The following CTNND2 variants were observed in gnomAD, a reference collection of about 807,000 sequenced individuals.
CTNND2 encodes catenin delta 2.
In CTNND2, 22 loss-of-function variants were observed where a neutral mutation model predicts 144.4. The ratio of observed to expected loss-of-function variants is 0.15; its 90% confidence interval spans 0.11 to 0.22. The LOEUF is 0.22. CTNND2 is among the 10% of genes least tolerant of loss of function. CTNND2 has a pLI of 1.00. For synonymous variants in CTNND2, 751 were observed against 695.6 expected (o/e 1.08, Z -1.25); for missense variants, 1,353 against 1,618.8 (o/e 0.84, Z 2.82).
chr5:11,341,415 A>G (rs755345183), intron 9 of CTNND2, among the ~76,000 whole-genome samples: 7 of 152,202 alleles, frequency 4.6e-5, no homozygotes, highest in Non-Finnish European at 8.8e-5. Context: ...TGGGATTGCT[A>G]TTAGCTCAAC....
chr5:11,714,930 G>C (rs966884426), intron 2 of CTNND2, among the ~76,000 whole-genome samples: 1 of 150,606 alleles, frequency 6.6e-6, no homozygotes, highest in Non-Finnish European at 1.5e-5. Context: ...AAAAAAGAAA[G>C]AAAGAAATCA....
intron 9 of CTNND2, among the ~76,000 whole-genome samples, chr5:11,316,270 G>A (rs557475068): frequency 5.6e-4 from 85 of 152,018 alleles, no homozygotes; most frequent in Non-Finnish European, 1.1e-3. Context: ...CTGTTCCCCA[G>A]GCTGGAGTGT....
chr5:11,294,925 A>G (rs1748746552), intron 9 of CTNND2, among the ~76,000 whole-genome samples: 1 of 152,218 alleles, frequency 6.6e-6, no homozygotes. Flanking sequence ...CTGGCACAAG[A>G]CAAGGATGCC....
chr5:11,386,059 C>G (rs1759058333), intron 6 of CTNND2: 4 of 152,204 alleles, frequency 2.6e-5, no homozygotes, highest in African/African-American at 2.4e-5. Flanking sequence ...ACACAAAAGA[C>G]AACAAGGGCT....
chr5:11,610,032 G>C (rs958291830), intron 2 of CTNND2, among the ~76,000 whole-genome samples: 1 of 152,186 alleles, frequency 6.6e-6, no homozygotes, highest in African/African-American at 2.4e-5. Context: ...TTGTTATGTT[G>C]ATTTATGACA....
rs372944495 is a variant in CTNND2 at position 11,412,433 on chromosome 5, A to T, written c.288-364T>A. Reference sequence around the variant, plus strand: ...TAGGATCATGTAGACTTTGTAAGGTAGCCTAATAAGGAAATAACTATCCCT... The same window carrying T: ...TAGGATCATGTAGACTTTGTAAGGTTGCCTAATAAGGAAATAACTATCCCT... On this transcript the variant is annotated intron_variant, in intron 3 of 21. Transcript: ENST00000304623. Among the ~76,000 whole-genome samples the T allele has an allele frequency of 1.1e-4, 16 of 152,314 alleles. 1 individual carries two copies. The East Asian group carries it at 2.5e-3, about 24-fold the overall frequency.
Position 11,776,310 on chromosome 5 carries a change from C to T in CTNND2, c.38-44038G>A, listed in dbSNP as rs914354421. On this transcript the variant is annotated intron_variant, in intron 1 of 21. Coordinates refer to ENST00000304623, the MANE Select transcript of CTNND2 (RefSeq NM_001332.4). ...ATCAGCCAGTGAGTGAGACAAAGGA[C>T]GCTGAAGACAAGGAGTTAAAATAGC... is the stretch of plus-strand genomic sequence containing the variant. Among the ~76,000 whole-genome samples the T allele has an allele frequency of 3.3e-5, 5 of 152,088 alleles. No homozygotes were observed. In the East Asian group the frequency reaches 5.8e-4, roughly 18 times the overall value.
intron 3 of CTNND2, among the ~76,000 whole-genome samples, chr5:11,463,797 G>A (rs979257315): frequency 7.2e-5 from 11 of 151,768 alleles, no homozygotes; most frequent in African/African-American, 2.4e-4. Context: ...AATGGAGGCA[G>A]GAGTCTATGA....
At chr5:11,881,325 T>C (rs1003913764) in intron 1 of CTNND2, among the ~76,000 whole-genome samples, 6 of 152,000 alleles carry the variant, frequency 3.9e-5, no homozygotes, top group African/African-American at 1.4e-4. Flanking sequence ...CTCATCTAGC[T>C]ATTATTGCTA....
intron 14 of CTNND2, among the ~76,000 whole-genome samples, chr5:11,103,793 T>C (rs916086411): frequency 6.6e-6 from 1 of 152,076 alleles, no homozygotes; most frequent in African/African-American, 2.4e-5. Context: ...GTACTCTAAT[T>C]ATCACATTCA....
intron 2 of CTNND2, among the ~76,000 whole-genome samples, chr5:11,728,231 G>T (rs1322164820): frequency 1.3e-5 from 2 of 152,042 alleles, no homozygotes; most frequent in African/African-American, 2.4e-5. Flanking sequence ...CCAGCACTTT[G>T]GGAGGCCGAG....
intron 9 of CTNND2, among the ~76,000 whole-genome samples, chr5:11,270,422 T>C (rs899238581): frequency 2.0e-4 from 30 of 151,778 alleles, no homozygotes; most frequent in Admixed American, 5.2e-4. Context: ...AGGAACATGA[T>C]TGTGTTTCTA....
chr5:11,536,330 C>T (rs1417938061), intron 3 of CTNND2, among the ~76,000 whole-genome samples: 1 of 152,154 alleles, frequency 6.6e-6, no homozygotes, highest in Non-Finnish European at 1.5e-5. Flanking sequence ...TCCCAAATTG[C>T]TGGGATTACA....
At chr5:11,044,558 A>ATG (rs1745035936) in intron 16 of CTNND2, among the ~76,000 whole-genome samples, 4 of 151,272 alleles carry the variant, frequency 2.6e-5, no homozygotes, top group African/African-American at 4.8e-5. Context: ...ATATATATAT[A>ATG]TATATAAATG....
chr5:11,645,164 CTG>C (rs1305756874), intron 2 of CTNND2, among the ~76,000 whole-genome samples: 2 of 152,058 alleles, frequency 1.3e-5, no homozygotes, highest in Non-Finnish European at 2.9e-5. Context: ...CGGGGTTTCA[CTG>C]TGTTACCCAA....
chr5:11,188,150 C>A (rs60262912), intron 11 of CTNND2, among the ~76,000 whole-genome samples: 8,348 of 152,188 alleles, frequency 0.055, 328 homozygotes, highest in East Asian at 0.11. Flanking sequence ...AATACATCCA[C>A]ATGTATGTTC....
At chr5:11,422,961 G>A (rs889660294) in intron 3 of CTNND2, among the ~76,000 whole-genome samples, 1 of 152,094 alleles carries the variant, frequency 6.6e-6, no homozygotes, top group Non-Finnish European at 1.5e-5. Flanking sequence ...TCATGCATGG[G>A]GCTAGGTATT....
chr5:11,553,216 G>A lies in CTNND2; in HGVS notation c.287+11728C>T, dbSNP rs1010247617. On this transcript the variant is annotated intron_variant, in intron 3 of 21. Transcript: ENST00000304623. ...ATCTCATCTTCAGTTCCAGCAGTGCGCATGGAGACCTATTAAGGTGGCCTG... is the reference window on the plus strand; with the variant it reads ...ATCTCATCTTCAGTTCCAGCAGTGCACATGGAGACCTATTAAGGTGGCCTG... Among the ~76,000 whole-genome samples the A allele has an allele frequency of 2.0e-5, 3 of 152,100 alleles. No homozygotes were observed. The South Asian group carries it at 6.2e-4, about 32-fold the overall frequency.
intron 7 of CTNND2, among the ~76,000 whole-genome samples, chr5:11,367,278 C>CA (rs1448061588): frequency 6.6e-6 from 1 of 152,100 alleles, no homozygotes; most frequent in African/African-American, 2.4e-5. Flanking sequence ...AAGAGAGACA[C>CA]AGAGAACTAT....
Sources: allele counts gnomAD v4.1 joint callset (sites outside exome capture counted in the v4.1 genomes callset), GRCh38; gene constraint gnomAD v4.1.1; transcripts MANE v1.5; gene names NCBI Gene and HGNC (gene_info 2026-07-23, HGNC 2026-07-21).